Variants in IL1RAPL1 observed in about 807,000 individuals in gnomAD.
IL1RAPL1 encodes the protein interleukin 1 receptor accessory protein like 1.
A neutral mutation model predicts 48.4 loss-of-function variants in IL1RAPL1; 3 were observed. The ratio of observed to expected loss-of-function variants is 0.06; its 90% CI spans 0.03 to 0.16. The LOEUF (loss-of-function observed/expected upper bound fraction) is 0.16, where lower values mean the gene tolerates loss of function less well. IL1RAPL1 is among the 10% of genes least tolerant of loss of function. IL1RAPL1 has a pLI of 1.00. For synonymous variants in IL1RAPL1, 185 were observed against 187.7 expected, an observed-to-expected ratio of 0.99 and a Z score of 0.12; for missense variants, 349 against 530.6, an observed-to-expected ratio of 0.66 and a Z score of 3.36.
At chrX:29,611,102 G>A (rs747395316) in intron 5 of IL1RAPL1, among the ~76,000 whole-genome samples, 10 of 112,385 alleles carry the variant, frequency 8.9e-5, no homozygotes, top group Non-Finnish European at 1.1e-4. Context: ...GCCCTGCAAA[G>A]TCTCTTGTGG....
intron 5 of IL1RAPL1, among the ~76,000 whole-genome samples, chrX:29,498,993 T>C (rs765443770): frequency 3.6e-5 from 4 of 112,467 alleles, no homozygotes; most frequent in Non-Finnish European, 7.5e-5. Flanking sequence ...ACAAAGGTTC[T>C]TTGTTGACTG....
At chrX:29,804,929 T>G (rs976627303) in intron 6 of IL1RAPL1, among the ~76,000 whole-genome samples, 18 of 112,298 alleles carry the variant, frequency 1.6e-4, no homozygotes, top group Non-Finnish European at 3.2e-4. Context: ...AAAAAAATAA[T>G]TAAATACATG....
rs765045000 is a variant in IL1RAPL1 at position 29,955,635 on chromosome X, G to A, written c.1906G>A (p.Gly636Ser). Reference protein sequence around the residue: ...RSYEYDVPPTGTLPLTSIGNQ... With the variant: ...RSYEYDVPPTSTLPLTSIGNQ... Reference sequence around the variant, plus strand: ...CTATGAGTACGACGTACCTCCTACCGGCACCCTGCCTCTTACCTCCATAGG... The same window carrying A: ...CTATGAGTACGACGTACCTCCTACCAGCACCCTGCCTCTTACCTCCATAGG... The change falls in exon 11 of 11, where the codon GGC becomes AGC. Residue 636 changes from glycine to serine, a missense_variant. Physicochemically the swap from Gly to Ser is moderately conservative, Grantham distance 56 (BLOSUM62 0). Around this residue, in one of 3 missense-constraint regions of IL1RAPL1, gnomAD observed 65 missense variants for 79.6 expected, o/e 0.82. Coordinates refer to ENST00000378993, the MANE Select transcript of IL1RAPL1 (RefSeq NM_014271.4). The A allele has an allele frequency of 9.1e-6, 11 of 1,207,927 alleles. No individual in the cohort carries two copies. Among genetic ancestry groups the A allele is most frequent in the Non-Finnish European group, 1.2e-5 (11 of 894,132 alleles).
At chrX:29,715,788 CTT>C in intron 6 of IL1RAPL1, among the ~76,000 whole-genome samples, 1 of 112,063 alleles carries the variant, frequency 8.9e-6, no homozygotes, top group East Asian at 2.8e-4. Flanking sequence ...TTTCTGGTCT[CTT>C]TAATTCAATC....
chrX:29,483,692 G>GT (rs34256964), intron 5 of IL1RAPL1, among the ~76,000 whole-genome samples: 239 of 99,745 alleles, frequency 2.4e-3, no homozygotes, highest in Non-Finnish European at 3.2e-3. Flanking sequence ...AGTAGTAGTA[G>GT]TTTTTTTTTT....
At chrX:29,158,128 A>G (rs1025111851) in intron 2 of IL1RAPL1, among the ~76,000 whole-genome samples, 2 of 111,328 alleles carry the variant, frequency 1.8e-5, no homozygotes, top group Non-Finnish European at 3.8e-5. Flanking sequence ...TAGCAGTGCT[A>G]CACTTTAAAG....
At chrX:29,868,846 G>C (rs2147208112) in intron 6 of IL1RAPL1, among the ~76,000 whole-genome samples, 1 of 112,348 alleles carries the variant, frequency 8.9e-6, no homozygotes, top group Non-Finnish European at 1.9e-5. Context: ...TCATGGGATA[G>C]GCAGTGTGGA....
At chrX:28,832,718 C>T in intron 2 of IL1RAPL1, among the ~76,000 whole-genome samples, 1 of 106,601 alleles carries the variant, frequency 9.4e-6, no homozygotes. Flanking sequence ...CATTTAAAGC[C>T]TTATATTGGG....
intron 5 of IL1RAPL1, among the ~76,000 whole-genome samples, chrX:29,595,004 T>C (rs1923495830): frequency 8.9e-6 from 1 of 112,211 alleles, no homozygotes; most frequent in African/African-American, 3.2e-5. Flanking sequence ...CATTCCCAGG[T>C]TACTTCACTT....
At chrX:29,348,403 T>C (rs1483244683) in intron 3 of IL1RAPL1, among the ~76,000 whole-genome samples, 1 of 111,621 alleles carries the variant, frequency 9.0e-6, no homozygotes, top group African/African-American at 3.3e-5. Flanking sequence ...AGAAAGAAAA[T>C]GGAAGAGTTC....
chrX:28,773,447 CT>C (rs1429878354), intron 1 of IL1RAPL1, among the ~76,000 whole-genome samples: 1 of 111,648 alleles, frequency 9.0e-6, no homozygotes, highest in African/African-American at 3.3e-5. Flanking sequence ...GTTAATTCTC[CT>C]CTATCTTTAA....
chrX:28,677,025 A>G (rs1935005359), intron 1 of IL1RAPL1, among the ~76,000 whole-genome samples: 1 of 111,859 alleles, frequency 8.9e-6, no homozygotes, highest in Non-Finnish European at 1.9e-5. Context: ...CTTATAAAAG[A>G]ATAGTTCTGT....
chrX:28,803,243 C>T (rs1015379529), intron 2 of IL1RAPL1, among the ~76,000 whole-genome samples: 10 of 111,384 alleles, frequency 9.0e-5, no homozygotes, highest in African/African-American at 3.3e-4. Flanking sequence ...GAGAAAAAGT[C>T]ATTAAAGATT....
intron 2 of IL1RAPL1, among the ~76,000 whole-genome samples, chrX:28,957,127 A>C (rs971139272): frequency 1.8e-5 from 2 of 110,519 alleles, no homozygotes; most frequent in African/African-American, 6.6e-5. Flanking sequence ...ATCATTTTTT[A>C]TTGTATCTAT....
intron 5 of IL1RAPL1, among the ~76,000 whole-genome samples, chrX:29,513,583 A>G (rs1935416326): frequency 8.9e-6 from 1 of 112,016 alleles, no homozygotes; most frequent in Non-Finnish European, 1.9e-5. Context: ...CATTCAAAAG[A>G]GCACACTTCT....
At chrX:28,675,128 A>C (rs1244875234) in intron 1 of IL1RAPL1, among the ~76,000 whole-genome samples, 1 of 111,773 alleles carries the variant, frequency 8.9e-6, no homozygotes, top group Non-Finnish European at 1.9e-5. Flanking sequence ...AAATTACTAG[A>C]CATATAACCA....
intron 6 of IL1RAPL1, among the ~76,000 whole-genome samples, chrX:29,836,334 G>A (rs1931004658): frequency 1.8e-5 from 2 of 109,063 alleles, no homozygotes; most frequent in Admixed American, 2.0e-4. Flanking sequence ...GGGATTACAG[G>A]TGTGCGCCAC....
intron 6 of IL1RAPL1, among the ~76,000 whole-genome samples, chrX:29,795,620 A>G (rs1275719393): frequency 8.9e-6 from 1 of 112,683 alleles, no homozygotes; most frequent in Non-Finnish European, 1.9e-5. Context: ...TGTGTTGCCC[A>G]GGCTGGTCTC....
chrX:28,721,591 T>G (rs138862386), intron 1 of IL1RAPL1, among the ~76,000 whole-genome samples: 54,077 of 108,707 alleles, frequency 0.5, 10,314 homozygotes, highest in Middle Eastern at 0.73. Context: ...AGAAGCTCTT[T>G]AGTTTAATTA....
Sources: gnomAD v4.1 joint callset for allele counts (sites outside exome capture counted in the v4.1 genomes callset) on GRCh38, gnomAD v4.1.1 for gene constraint, gnomAD v4.1.1 regional missense constraint, MANE v1.5 for transcripts, NCBI Gene and HGNC (gene_info 2026-07-23, HGNC 2026-07-21) for gene names.